LSAMP: variants seen among roughly 807,000 people sequenced by gnomAD.
LSAMP encodes the protein limbic system-associated membrane protein.
A neutral mutation model predicts 38.6 loss-of-function variants in LSAMP; 7 were observed. The observed-to-expected ratio is 0.18, with a 90% confidence interval of 0.10 to 0.34. The LOEUF (loss-of-function observed/expected upper bound fraction) is 0.34. Among genes scored for constraint, LSAMP ranks in the 10% least tolerant of loss-of-function variants. The pLI is 1.00. For synonymous variants in LSAMP, 154 were observed against 166.8 expected (o/e 0.92, Z 0.59); for missense variants, 313 against 420.0 (o/e 0.75, Z 2.23).
intron 3 of LSAMP, among the ~76,000 whole-genome samples, chr3:115,905,179 A>C (rs534250203): frequency 1.3e-5 from 2 of 152,190 alleles, no homozygotes; most frequent in South Asian, 4.1e-4. Flanking sequence ...GAACAGCCAA[A>C]ATTGCTCTTT....
At chr3:115,863,692 T>C (rs1370364830) in intron 3 of LSAMP, among the ~76,000 whole-genome samples, 1 of 151,980 alleles carries the variant, frequency 6.6e-6, no homozygotes, top group East Asian at 1.9e-4. Flanking sequence ...CTTCATTTGA[T>C]GCCTTCCTAT....
At chr3:116,148,935 C>G (rs1230053735) in intron 1 of LSAMP, among the ~76,000 whole-genome samples, 2 of 152,006 alleles carry the variant, frequency 1.3e-5, no homozygotes, top group Non-Finnish European at 2.9e-5. Flanking sequence ...ATGGCACAGG[C>G]TATGAAAAGA....
intron 3 of LSAMP, among the ~76,000 whole-genome samples, chr3:115,885,814 G>A (rs574797173): frequency 3.3e-5 from 5 of 151,850 alleles, no homozygotes; most frequent in African/African-American, 1.2e-4. Context: ...ACAGTACCAC[G>A]GACAGCTCTC....
chr3:116,055,064 C>T (rs565696159), intron 2 of LSAMP, among the ~76,000 whole-genome samples: 1 of 152,248 alleles, frequency 6.6e-6, no homozygotes, highest in Admixed American at 6.5e-5. Flanking sequence ...GGAATTCAGG[C>T]AAACACCCTA....
chr3:116,058,762 T>C (rs1260907601), intron 2 of LSAMP, among the ~76,000 whole-genome samples: 1 of 152,158 alleles, frequency 6.6e-6, no homozygotes, highest in Non-Finnish European at 1.5e-5. Context: ...ACTTTAGGAA[T>C]AGAAAAAGCA....
intron 1 of LSAMP, among the ~76,000 whole-genome samples, chr3:116,130,486 AAAC>A (rs1255585970): frequency 6.6e-6 from 1 of 152,208 alleles, no homozygotes; most frequent in Non-Finnish European, 1.5e-5. Context: ...AGCATTCAAT[AAAC>A]AACAACATGG....
intron 3 of LSAMP, among the ~76,000 whole-genome samples, chr3:115,998,471 A>C (rs1939891983): frequency 6.6e-6 from 1 of 152,060 alleles, no homozygotes. Context: ...CACAAAGTGT[A>C]ATGGGAGAAG....
chr3:116,104,692 G>A (rs550861180), intron 1 of LSAMP, among the ~76,000 whole-genome samples: 1 of 152,032 alleles, frequency 6.6e-6, no homozygotes, highest in Non-Finnish European at 1.5e-5. Flanking sequence ...CCATCCACTC[G>A]CAAGTGAACT....
At chr3:116,363,827 A>T (rs1242605969) in intron 1 of LSAMP, among the ~76,000 whole-genome samples, 2 of 147,598 alleles carry the variant, frequency 1.4e-5, no homozygotes, top group Admixed American at 6.8e-5. Context: ...CATGCTAAAA[A>T]CTCTCAATAA....
intron 3 of LSAMP, among the ~76,000 whole-genome samples, chr3:115,891,029 A>T (rs1425639405): frequency 6.6e-6 from 1 of 151,940 alleles, no homozygotes; most frequent in Non-Finnish European, 1.5e-5. Flanking sequence ...TTCCATTATG[A>T]CACAAATTGT....
At chr3:115,875,854 T>A (rs4146806) in intron 3 of LSAMP, among the ~76,000 whole-genome samples, 1 of 152,052 alleles carries the variant, frequency 6.6e-6, no homozygotes, top group African/African-American at 2.4e-5. Context: ...AATGTGATCC[T>A]GAATGAGCTC....
chr3:115,953,474 T>G (rs1480807503), intron 3 of LSAMP, among the ~76,000 whole-genome samples: 1 of 148,850 alleles, frequency 6.7e-6, no homozygotes, highest in Non-Finnish European at 1.5e-5. Flanking sequence ...ATAAATTCCT[T>G]GTAGATCAGC....
intron 3 of LSAMP, among the ~76,000 whole-genome samples, chr3:115,947,157 TA>T (rs1938126963): frequency 6.6e-6 from 1 of 152,276 alleles, no homozygotes; most frequent in East Asian, 1.9e-4. Context: ...CACAATCTGA[TA>T]TAGAGGATTA....
In LSAMP at chr3:116,010,294, A is replaced by T. The variant is rs573021400; in HGVS notation, c.514+9221T>A. 3.9e-5 allele frequency among the ~76,000 whole-genome samples: 6 copies of T among 152,352 alleles called. No individual in the cohort carries two copies. In the South Asian group the frequency reaches 1.0e-3, roughly 26 times the overall value. ...ACATTATATAGTACTGTAAAACTAT[A>T]GTTTATGAAGACTCTGTTCTTTAAG... On this transcript the variant is annotated intron_variant, in intron 3 of 6. Transcript: ENST00000490035.
intron 1 of LSAMP, among the ~76,000 whole-genome samples, chr3:116,259,207 T>A (rs2046794142): frequency 6.6e-6 from 1 of 152,174 alleles, no homozygotes; most frequent in Non-Finnish European, 1.5e-5. Context: ...CATGTCAGAC[T>A]TAAAATGCCA....
At chr3:116,293,406 C>G (rs2047293262) in intron 1 of LSAMP, among the ~76,000 whole-genome samples, 2 of 151,840 alleles carry the variant, frequency 1.3e-5, no homozygotes, top group Non-Finnish European at 2.9e-5. Flanking sequence ...TCATTAAATA[C>G]TTTTTTTTAA....
chr3:116,093,679 A>AT (rs531351793), intron 1 of LSAMP, among the ~76,000 whole-genome samples: 134 of 152,160 alleles, frequency 8.8e-4, no homozygotes, highest in African/African-American at 2.7e-3. Flanking sequence ...AGAAAAATTG[A>AT]TTTTTTTTAA....
chr3:115,914,368 T>C (rs1053328115), intron 3 of LSAMP, among the ~76,000 whole-genome samples: 4 of 152,178 alleles, frequency 2.6e-5, no homozygotes, highest in African/African-American at 9.7e-5. Flanking sequence ...ACCTCAACCA[T>C]AATATCTGTT....
chr3:116,210,549 C>T (rs372561521), intron 1 of LSAMP, among the ~76,000 whole-genome samples: 4 of 152,200 alleles, frequency 2.6e-5, no homozygotes, highest in Admixed American at 6.5e-5. Flanking sequence ...AAGGCTGCAT[C>T]GTCGGCTTCC....
Sources: gnomAD v4.1 joint callset for allele counts (sites outside exome capture counted in the v4.1 genomes callset) on GRCh38, gnomAD v4.1.1 for gene constraint, MANE v1.5 for transcripts, NCBI Gene and HGNC (gene_info 2026-07-23, HGNC 2026-07-21) for gene names.